ZNF385D: variants seen among roughly 807,000 people sequenced by gnomAD.
ZNF385D encodes zinc finger protein 659.
A neutral mutation model predicts 35.8 loss-of-function variants in ZNF385D; 15 were observed. The ratio of observed to expected loss-of-function variants is 0.42; its 90% CI spans 0.28 to 0.64. The LOEUF (loss-of-function observed/expected upper bound fraction) is 0.64. Ranked by LOEUF, ZNF385D falls within the 30% of genes least tolerant of loss-of-function variation. ZNF385D has a pLI of 0.23. For synonymous variants in ZNF385D, 212 were observed against 186.8 expected (o/e 1.13, Z -1.10); for missense variants, 474 against 494.6 (o/e 0.96, Z 0.39).
intron 3 of ZNF385D, among the ~76,000 whole-genome samples, chr3:21,896,236 G>C (rs1334047162): frequency 1.3e-5 from 2 of 152,114 alleles, no homozygotes; most frequent in African/African-American, 4.8e-5. Context: ...CAGTTTACAT[G>C]ATAAACATGT....
At chr3:21,989,064 A>C (rs1257447446) in intron 3 of ZNF385D, among the ~76,000 whole-genome samples, 2 of 151,974 alleles carry the variant, frequency 1.3e-5, no homozygotes, top group Non-Finnish European at 2.9e-5. Flanking sequence ...GGCACTCCCT[A>C]GTGAGATGAA....
At chr3:22,201,597 A>G (rs1696804724) in intron 2 of ZNF385D, among the ~76,000 whole-genome samples, 1 of 152,030 alleles carries the variant, frequency 6.6e-6, no homozygotes, top group Non-Finnish European at 1.5e-5. Flanking sequence ...CATTTTTAAA[A>G]GTTTATCTCA....
intron 3 of ZNF385D, among the ~76,000 whole-genome samples, chr3:21,768,590 T>C (rs1481326803): frequency 1.3e-5 from 2 of 151,994 alleles, no homozygotes; most frequent in African/African-American, 4.8e-5. Flanking sequence ...CAGGCAGCTG[T>C]GCACCTGCTC....
At chr3:21,817,132 T>A (rs1031184476) in intron 3 of ZNF385D, among the ~76,000 whole-genome samples, 2 of 152,176 alleles carry the variant, frequency 1.3e-5, no homozygotes, top group Non-Finnish European at 2.9e-5. Flanking sequence ...GCTAGCCATA[T>A]ATAGAAATGT....
At chr3:21,435,761 C>T (rs1337616104) in intron 5 of ZNF385D, among the ~76,000 whole-genome samples, 2 of 152,162 alleles carry the variant, frequency 1.3e-5, no homozygotes, top group African/African-American at 4.8e-5. Context: ...CATGAATAAA[C>T]ACATGGAAAA....
At chr3:21,667,738 G>C (rs1419401691) in intron 1 of ZNF385D, among the ~76,000 whole-genome samples, 1 of 152,094 alleles carries the variant, frequency 6.6e-6, no homozygotes, top group Admixed American at 6.5e-5. Context: ...AGAAGTTAAG[G>C]AATAGCTCAA....
At chr3:22,057,614 A>G (rs1463152502) in intron 3 of ZNF385D, among the ~76,000 whole-genome samples, 1 of 151,718 alleles carries the variant, frequency 6.6e-6, no homozygotes, top group Non-Finnish European at 1.5e-5. Flanking sequence ...TGTTGAAGCA[A>G]TTCTCTTGTC....
chr3:21,978,158 G>A (rs983031567), intron 3 of ZNF385D: 1 of 152,206 alleles, frequency 6.6e-6, no homozygotes, highest in African/African-American at 2.4e-5. Flanking sequence ...GAGGTAGGAT[G>A]TCTTTGAAAC....
At chr3:21,614,550 G>A (rs2064785121) in intron 2 of ZNF385D, among the ~76,000 whole-genome samples, 1 of 152,130 alleles carries the variant, frequency 6.6e-6, no homozygotes, top group Non-Finnish European at 1.5e-5. Flanking sequence ...ATGGCAGGGG[G>A]TGATTTTTTG....
chr3:21,856,607 T>C (rs1696728150), intron 3 of ZNF385D, among the ~76,000 whole-genome samples: 2 of 152,060 alleles, frequency 1.3e-5, no homozygotes, highest in Non-Finnish European at 2.9e-5. Flanking sequence ...AGGAATTCTG[T>C]TGGGTCCACA....
rs1432530900 is a variant in ZNF385D at position 22,240,198 on chromosome 3, A to AG, written c.107-71164_107-71163insC. On this transcript the variant is annotated intron_variant, in intron 2 of 5. Transcript: ENST00000494108. ...ACCCTGTCTCCAAAAAAAAAAAAAA[A>AG]AAAAAGATTTCAGACACCTGGCTCC... Among the ~76,000 whole-genome samples the AG allele has an allele frequency of 3.1e-5, 4 of 127,326 alleles. 2 individuals are homozygous for AG. Among genetic ancestry groups the AG allele is most frequent in the Admixed American group, 1.7e-4 (2 of 11,912 alleles). 83.5% of individuals were successfully genotyped at this position (127,326 alleles called of 152,430 possible).
At chr3:21,769,506 A>C (rs908261878) in intron 3 of ZNF385D, among the ~76,000 whole-genome samples, 1 of 123,774 alleles carries the variant, frequency 8.1e-6, no homozygotes, top group Non-Finnish European at 1.7e-5. Flanking sequence ...AGAGAATAAA[A>C]TACCTAGGAA....
At chr3:22,311,631 C>T (rs1703556622) in intron 2 of ZNF385D, among the ~76,000 whole-genome samples, 1 of 152,020 alleles carries the variant, frequency 6.6e-6, no homozygotes, top group African/African-American at 2.4e-5. Flanking sequence ...TTACATTTAG[C>T]TTGTATGTAT....
In ZNF385D at chr3:21,520,897, C is replaced by A. The variant is rs370854209; in HGVS notation, c.277-9874G>T. On this transcript the variant is annotated intron_variant, in intron 3 of 7. Transcript: ENST00000281523. Reference sequence around the variant, plus strand: ...AAATGAAATATTTATGCTCTAAAACCAATACAGAGAAATTGAGTATGGCAT... The same window carrying A: ...AAATGAAATATTTATGCTCTAAAACAAATACAGAGAAATTGAGTATGGCAT... 8.5e-5 allele frequency among the ~76,000 whole-genome samples: 13 copies of A among 152,222 alleles called. No individual in the cohort carries two copies. The East Asian group carries it at 2.1e-3, about 25-fold the overall frequency.
rs914992352 is a variant in ZNF385D, at chr3:21,413,992, C to G, written c.*7222G>C. ...GCCAAACATCCAGTTTTTGTGAGAG[C>G]TGAATATTTCATCATACATTGGATA... is the stretch of plus-strand genomic sequence containing the variant. On this transcript the variant is annotated 3_prime_UTR_variant, in exon 8 of 8. Coordinates refer to ENST00000281523, the MANE Select transcript of ZNF385D (RefSeq NM_024697.3). 1 of 151,988 alleles carries G rather than the reference C, an allele frequency of 6.6e-6. No homozygotes were observed. Among genetic ancestry groups the G allele is most frequent in the East Asian group, 1.9e-4 (1 of 5,190 alleles). 9.4% of individuals were successfully genotyped at this position (151,988 alleles called of 1,614,324 possible). A position where few individuals can be genotyped will look rare whatever the true frequency, so the allele number is the denominator to read the frequency against.
Position 21,582,802 on chromosome 3 carries a change from G to A in ZNF385D, c.166-18118C>T, listed in dbSNP as rs909729601. Among the ~76,000 whole-genome samples, 6 of 151,534 alleles carry A rather than the reference G, an allele frequency of 4.0e-5. No individual in the cohort carries two copies. In the East Asian group the frequency reaches 1.2e-3, roughly 29 times the overall value. On this transcript the variant is annotated intron_variant, in intron 2 of 7. Transcript: ENST00000281523. ...ATTCATTCATTTATCCTTTGAGATG[G>A]AGTCTCGCTCTATGGCCCAGGCTGG...
At chr3:21,472,075 C>A (rs1464527556) in intron 4 of ZNF385D, among the ~76,000 whole-genome samples, 1 of 151,988 alleles carries the variant, frequency 6.6e-6, no homozygotes, top group African/African-American at 2.4e-5. Context: ...ATGTTACGCT[C>A]GTCAATAAAT....
intron 2 of ZNF385D, among the ~76,000 whole-genome samples, chr3:22,170,105 G>C (rs569589858): frequency 1.3e-5 from 2 of 152,280 alleles, no homozygotes; most frequent in South Asian, 4.1e-4. Context: ...CCAGATAGGA[G>C]TTCTCCATTC....
At chr3:22,220,776 C>T (rs1420867641) in intron 2 of ZNF385D, among the ~76,000 whole-genome samples, 4 of 152,122 alleles carry the variant, frequency 2.6e-5, no homozygotes, top group African/African-American at 7.2e-5. Context: ...CTACCACTAC[C>T]GTCATCACTT....
Sources: gnomAD v4.1 joint callset for allele counts (sites outside exome capture counted in the v4.1 genomes callset) on GRCh38, gnomAD v4.1.1 for gene constraint, MANE v1.5 for transcripts, NCBI Gene and HGNC (gene_info 2026-07-23, HGNC 2026-07-21) for gene names.